The following ACBD6 variants were observed in gnomAD, a reference collection of about 807,000 sequenced individuals.
The protein encoded by ACBD6 is acyl-CoA binding domain containing 6.
Under a neutral mutation model 37.2 loss-of-function variants are expected in ACBD6, and 28 were observed. The ratio of observed to expected loss-of-function variants is 0.75; its 90% CI spans 0.56 to 1.03. The LOEUF (loss-of-function observed/expected upper bound fraction) is 1.03. Among genes scored for constraint, ACBD6 ranks in the 50% least tolerant of loss-of-function variants. The pLI is 0.00. For missense variants in ACBD6, 340 were observed against 337.4 expected (o/e 1.01, Z -0.06); for synonymous variants, 113 against 126.8 (o/e 0.89, Z 0.73).
intron 7 of ACBD6, among the ~76,000 whole-genome samples, chr1:180,308,523 T>G (rs1650473418): frequency 6.6e-6 from 1 of 152,196 alleles, no homozygotes; most frequent in Non-Finnish European, 1.5e-5. Flanking sequence ...AACCCGAAAC[T>G]TATAGGGCTT....
At chr1:180,366,891 C>T (rs1310384250) in intron 6 of ACBD6, among the ~76,000 whole-genome samples, 3 of 152,042 alleles carry the variant, frequency 2.0e-5, no homozygotes, top group Admixed American at 1.3e-4. Context: ...TAAACTATGA[C>T]GGCAACACAA....
chr1:180,468,471 C>T (rs767230633), intron 3 of ACBD6, among the ~76,000 whole-genome samples: 18 of 152,200 alleles, frequency 1.2e-4, no homozygotes, highest in African/African-American at 3.1e-4. Flanking sequence ...ACTAAAGATG[C>T]GTGACTGGGT....
intron 1 of ACBD6, among the ~76,000 whole-genome samples, chr1:180,497,591 A>C: frequency 6.6e-6 from 1 of 152,264 alleles, no homozygotes; most frequent in South Asian, 2.1e-4. Context: ...CATTTAAAAA[A>C]TGTGTATTAA....
chr1:180,456,046 A>C (rs1011899446), intron 3 of ACBD6, among the ~76,000 whole-genome samples: 4 of 152,024 alleles, frequency 2.6e-5, no homozygotes, highest in African/African-American at 9.7e-5. Context: ...TCCTGTCCCT[A>C]CTAAAAATAC....
rs1553291890 is a variant in ACBD6 at position 180,318,168 on chromosome 1, C to CG, written c.664-3447_664-3446insC. On this transcript the variant is annotated intron_variant, in intron 6 of 7. Coordinates refer to ENST00000367595, the MANE Select transcript of ACBD6 (RefSeq NM_032360.4). The stretch of plus-strand genomic sequence containing the variant: ...CAGAGTAAGATTCCATCTCCGCCCC[C>CG]CCCCCCCAAAAAAAAAAGAAAGAAA... Among the ~76,000 whole-genome samples, 28 of 84,354 alleles carry CG rather than the reference C, an allele frequency of 3.3e-4. 1 individual carries two copies. Among genetic ancestry groups the CG allele is most frequent in the African/African-American group, 7.2e-4 (11 of 15,254 alleles). The allele number at this position is 84,354 out of a possible 152,430, so 55.3% of individuals were successfully genotyped here. A position where few individuals can be genotyped will look rare whatever the true frequency, so the allele number is the denominator to read the frequency against.
chr1:180,331,149 G>C (rs1049332703), intron 6 of ACBD6, among the ~76,000 whole-genome samples: 2 of 152,162 alleles, frequency 1.3e-5, no homozygotes, highest in African/African-American at 4.8e-5. Flanking sequence ...CAATATAACA[G>C]TAGCTTCTAG....
intron 6 of ACBD6, among the ~76,000 whole-genome samples, chr1:180,316,971 C>T (rs1213850345): frequency 6.6e-6 from 1 of 152,138 alleles, no homozygotes; most frequent in African/African-American, 2.4e-5. Flanking sequence ...GGTATGTTTA[C>T]ACGGAGAACT....
At chr1:180,483,243 T>C (rs1380771046) in intron 3 of ACBD6, among the ~76,000 whole-genome samples, 1 of 152,138 alleles carries the variant, frequency 6.6e-6, no homozygotes, top group African/African-American at 2.4e-5. Flanking sequence ...GGCTCATTCT[T>C]TCACTTAATT....
rs373769276 is a variant in ACBD6 at position 180,337,049 on chromosome 1, A to G, written c.664-22327T>C. Among the ~76,000 whole-genome samples the G allele has an allele frequency of 2.0e-5, 3 of 151,728 alleles. No individual in the cohort carries two copies. The East Asian group carries it at 5.8e-4, about 29-fold the overall frequency. On this transcript the variant is annotated intron_variant, in intron 6 of 7. Coordinates refer to ENST00000367595, the MANE Select transcript of ACBD6 (RefSeq NM_032360.4). ...AACCAAAAAAAGTCCAGGACCAGAC[A>G]TTCACAGCCGAATTCCACCAGAGGT...
At chr1:180,335,149 A>T (rs556870555) in intron 6 of ACBD6, among the ~76,000 whole-genome samples, 1 of 152,312 alleles carries the variant, frequency 6.6e-6, no homozygotes, top group Non-Finnish European at 1.5e-5. Context: ...CAAATTCAGG[A>T]AATACAGAGA....
intron 3 of ACBD6, among the ~76,000 whole-genome samples, chr1:180,443,982 C>G (rs1571519302): frequency 6.6e-6 from 1 of 152,006 alleles, no homozygotes; most frequent in African/African-American, 2.4e-5. Context: ...ATTACTGTTT[C>G]ATCCAGAAAT....
rs764144492 is a variant in ACBD6 at position 180,495,525 on chromosome 1, C to A, written c.223G>T (p.Val75Phe). The change falls in exon 2 of 8, where the codon GTC becomes TTC. Residue 75 changes from valine (V) to phenylalanine (F), a missense_variant and splice_region_variant. By Grantham distance (50) the Val-to-Phe change is conservative. Transcript: ENST00000367595. ...GGAGTATTACAATTTCCAACTTTGA[C>A]CTAAATGAGGGAAGGAAAATCAAGA... ...LLYLYARYKQVKVGNCNTPKP... is the reference protein window; with the variant it reads ...LLYLYARYKQFKVGNCNTPKP... The A allele has an allele frequency of 1.9e-6, 3 of 1,608,230 alleles. No homozygotes were observed. The Admixed American group carries it at 5.0e-5, about 27-fold the overall frequency.
At chr1:180,323,759 C>T (rs1320056469) in intron 6 of ACBD6, among the ~76,000 whole-genome samples, 1 of 151,954 alleles carries the variant, frequency 6.6e-6, no homozygotes, top group Non-Finnish European at 1.5e-5. Flanking sequence ...TATCTTTTTG[C>T]ATTCCTTTAT....
chr1:180,473,971 T>TAC lies in ACBD6; in HGVS notation c.384+18296_384+18297dup, dbSNP rs1325847807. ...ACACCTGTATATATATGTACATACA[T>TAC]ACACACACCCATAGTCAATCTTATA... On this transcript the variant is annotated intron_variant, in intron 3 of 7. Transcript: ENST00000367595. Among the ~76,000 whole-genome samples, 3 of 152,274 alleles carry TAC rather than the reference T, an allele frequency of 2.0e-5. No homozygotes were observed. In the East Asian group the frequency reaches 5.8e-4, roughly 29 times the overall value.
chr1:180,420,947 C>T (rs1187566835), intron 4 of ACBD6, among the ~76,000 whole-genome samples: 1 of 152,096 alleles, frequency 6.6e-6, no homozygotes. Flanking sequence ...TTTTTCCTCC[C>T]CCAGAATATG....
chr1:180,272,707 A>G (rs983497635), intron 12 of ACBD6: 1 of 152,280 alleles, frequency 6.6e-6, no homozygotes, highest in Non-Finnish European at 1.5e-5. Flanking sequence ...GGAGGGGGAA[A>G]GGGAAGAGTA....
chr1:180,470,592 C>T lies in ACBD6; in HGVS notation c.384+21677G>A, dbSNP rs569823105. 1.6e-3 allele frequency among the ~76,000 whole-genome samples: 244 copies of T among 152,288 alleles called. 1 individual carries two copies. Among genetic ancestry groups the T allele is most frequent in the Non-Finnish European group, 2.6e-3 (176 of 68,024 alleles). ...TGCAAAACAGCACATACTTAAACTA[C>T]GGTATATATTACAATATTTCAAACA... On this transcript the variant is annotated intron_variant, in intron 3 of 7. Coordinates refer to ENST00000367595, the MANE Select transcript of ACBD6 (RefSeq NM_032360.4).
chr1:180,320,258 T>C (rs1179174961), intron 6 of ACBD6, among the ~76,000 whole-genome samples: 1 of 152,250 alleles, frequency 6.6e-6, no homozygotes, highest in African/African-American at 2.4e-5. Context: ...TGATCAATGA[T>C]ATTGACCACC....
At chr1:180,305,866 T>C (rs558836959) in intron 7 of ACBD6, among the ~76,000 whole-genome samples, 11 of 152,100 alleles carry the variant, frequency 7.2e-5, no homozygotes, top group Admixed American at 5.2e-4. Flanking sequence ...TGTGCAACGA[T>C]AGACAGGATT....
Sources: allele counts gnomAD v4.1 joint callset (sites outside exome capture counted in the v4.1 genomes callset), GRCh38; gene constraint gnomAD v4.1.1; transcripts MANE v1.5; gene names NCBI Gene and HGNC (gene_info 2026-07-23, HGNC 2026-07-21).